VPS13B: variants seen among roughly 807,000 people sequenced by gnomAD.
The protein encoded by VPS13B is intermembrane lipid transfer protein VPS13B.
In VPS13B, 285 loss-of-function variants were observed where a neutral mutation model predicts 426.4. The observed-to-expected ratio is 0.67, with a 90% CI of 0.61 to 0.74. The LOEUF is 0.74. VPS13B is among the 30% of genes least tolerant of loss of function. VPS13B has a pLI of 0.00. For synonymous variants in VPS13B, 1,676 were observed against 1,676.4 expected (o/e 1.00, Z 0.01); for missense variants, 4,537 against 4,782.6 (o/e 0.95, Z 1.51).
At chr8:99,741,915 C>T (rs1484181590) in intron 39 of VPS13B, among the ~76,000 whole-genome samples, 1 of 152,144 alleles carries the variant, frequency 6.6e-6, no homozygotes, top group African/African-American at 2.4e-5. Context: ...ATTAAAAGAA[C>T]TAGAGAAGCA....
intron 43 of VPS13B, among the ~76,000 whole-genome samples, chr8:99,807,386 G>A (rs867565557): frequency 4.0e-5 from 6 of 151,642 alleles, no homozygotes; most frequent in Middle Eastern, 3.4e-3. Context: ...CAGGAAAAAT[G>A]TAGCTGAGCT....
At chr8:99,688,133 CTT>C (rs1307921649) in intron 35 of VPS13B, among the ~76,000 whole-genome samples, 85 of 113,066 alleles carry the variant, frequency 7.5e-4, no homozygotes, top group African/African-American at 2.2e-3. Context: ...TCCTTGCTTG[CTT>C]TTTTTTTTTT....
intron 3 of VPS13B, among the ~76,000 whole-genome samples, chr8:99,053,136 ATTTATTT>A (rs1843651456): frequency 1.3e-5 from 2 of 150,830 alleles, no homozygotes; most frequent in Non-Finnish European, 1.5e-5. Context: ...TTAATTATTT[ATTTATTT>A]TTTATTTTTA....
At chr8:99,813,005 T>C (rs1002195108) in intron 44 of VPS13B, among the ~76,000 whole-genome samples, 2 of 152,314 alleles carry the variant, frequency 1.3e-5, no homozygotes, top group South Asian at 2.1e-4. Context: ...ATTAAGTAGC[T>C]GTCTTCAACT....
At chr8:99,103,770 A>G (rs1001269295) in intron 5 of VPS13B, among the ~76,000 whole-genome samples, 1 of 151,956 alleles carries the variant, frequency 6.6e-6, no homozygotes, top group African/African-American at 2.4e-5. Flanking sequence ...AAGTGCTGGG[A>G]TTACAGATGT....
At chr8:99,763,544 T>G (rs529743525) in intron 39 of VPS13B, among the ~76,000 whole-genome samples, 35 of 152,050 alleles carry the variant, frequency 2.3e-4, no homozygotes, top group Non-Finnish European at 1.6e-4. Flanking sequence ...TTTAAAAAAA[T>G]TATTTGTGTT....
intron 24 of VPS13B, among the ~76,000 whole-genome samples, chr8:99,476,215 A>G (rs1489069998): frequency 6.6e-6 from 1 of 152,228 alleles, no homozygotes; most frequent in Non-Finnish European, 1.5e-5. Flanking sequence ...AAATAACAGC[A>G]CTGAAGAATC....
rs779692883 is a variant in VPS13B, at chr8:99,258,088, CATTT to C, written c.2516-16108_2516-16105del. Among the ~76,000 whole-genome samples the C allele has an allele frequency of 8.6e-5, 13 of 151,178 alleles. No homozygotes were observed. In the South Asian group the frequency reaches 2.7e-3, roughly 32 times the overall value. On this transcript the variant is annotated intron_variant, in intron 17 of 61. Coordinates refer to ENST00000357162, the MANE Select transcript of VPS13B (RefSeq NM_152564.5). ...TATGTGGATAATGCTAAATTATCAT[CATTT>C]AGTTTTATTTTATTATTTTTTATTA...
intron 17 of VPS13B, among the ~76,000 whole-genome samples, chr8:99,267,724 A>C (rs1001132120): frequency 7.0e-6 from 1 of 143,828 alleles, no homozygotes; most frequent in Non-Finnish European, 1.5e-5. Flanking sequence ...AGACTCCGTC[A>C]AAAAAAAAAA....
chr8:99,379,303 C>G (rs1175323526), intron 19 of VPS13B, among the ~76,000 whole-genome samples: 1 of 152,180 alleles, frequency 6.6e-6, no homozygotes, highest in African/African-American at 2.4e-5. Context: ...TCATCTATCT[C>G]TCTTTCCTGG....
chr8:99,738,186 G>A (rs532283299), intron 39 of VPS13B, among the ~76,000 whole-genome samples: 12 of 152,282 alleles, frequency 7.9e-5, no homozygotes, highest in East Asian at 1.9e-4. Context: ...ATTATTCAGC[G>A]TTGCAGAAAT....
At chr8:99,827,223 A>G (rs1168153792) in intron 51 of VPS13B, among the ~76,000 whole-genome samples, 1 of 152,190 alleles carries the variant, frequency 6.6e-6, no homozygotes, top group African/African-American at 2.4e-5. Flanking sequence ...TTGGTAGGCT[A>G]TTAATTACTG....
chr8:99,497,401 T>C (rs1820984447), intron 25 of VPS13B, among the ~76,000 whole-genome samples: 1 of 147,012 alleles, frequency 6.8e-6, no homozygotes, highest in South Asian at 2.1e-4. Context: ...TATATTTATG[T>C]AATATAAAAA....
intron 22 of VPS13B, 46 bp downstream of exon 22, chr8:99,431,710 T>G: frequency 6.3e-7 from 1 of 1,575,554 alleles, no homozygotes; most frequent in Non-Finnish European, 8.7e-7. Context: ...TCTATAATCC[T>G]TTTTAATTCC....
At chr8:99,243,965 A>G (rs1817069854) in intron 17 of VPS13B, among the ~76,000 whole-genome samples, 1 of 152,252 alleles carries the variant, frequency 6.6e-6, no homozygotes, top group African/African-American at 2.4e-5. Flanking sequence ...GCAGAAAGTA[A>G]TTTGTGCAGC....
intron 22 of VPS13B, among the ~76,000 whole-genome samples, chr8:99,434,728 G>T (rs957202767): frequency 1.3e-5 from 2 of 152,136 alleles, no homozygotes; most frequent in African/African-American, 4.8e-5. Context: ...AGAGAAGAAT[G>T]GGGGGAAGAA....
intron 33 of VPS13B, among the ~76,000 whole-genome samples, chr8:99,638,780 T>G (rs1829173871): frequency 6.6e-6 from 1 of 151,976 alleles, no homozygotes; most frequent in Admixed American, 6.6e-5. Flanking sequence ...CCTTAAGGAG[T>G]ACAGTATTGA....
intron 36 of VPS13B, among the ~76,000 whole-genome samples, chr8:99,715,663 A>G (rs1158047384): frequency 2.0e-5 from 3 of 152,162 alleles, no homozygotes; most frequent in African/African-American, 7.2e-5. Flanking sequence ...ATAATTAGAT[A>G]TGTCACTGTG....
chr8:99,512,064 A>T (rs1821817736), intron 29 of VPS13B, among the ~76,000 whole-genome samples: 1 of 152,364 alleles, frequency 6.6e-6, no homozygotes, highest in South Asian at 2.1e-4. Context: ...TTTGTATACG[A>T]ACCTTATAGT....
Sources: gnomAD v4.1 joint callset for allele counts (sites outside exome capture counted in the v4.1 genomes callset) on GRCh38, gnomAD v4.1.1 for gene constraint, MANE v1.5 for transcripts, NCBI Gene and HGNC (gene_info 2026-07-23, HGNC 2026-07-21) for gene names.